The following SEC14L5 variants were observed in gnomAD, a reference collection of about 807,000 sequenced individuals.
The protein encoded by SEC14L5 is SEC14 like lipid binding 5, also known as SEC14-like protein 5.
A neutral mutation model predicts 84.6 loss-of-function variants in SEC14L5; 96 were observed. The observed-to-expected ratio is 1.13, with a 90% CI of 0.96 to 1.34. The LOEUF (loss-of-function observed/expected upper bound fraction) is 1.34. Among genes scored for constraint, SEC14L5 ranks in the 40% most tolerant of loss-of-function variants. The probability of loss-of-function intolerance (pLI) is 0.00; values close to 1 mark genes in which losing one functional copy is unlikely to be tolerated. For synonymous variants in SEC14L5, 546 were observed against 383.4 expected, an observed-to-expected ratio of 1.42 and a Z score of -4.95; for missense variants, 1,224 against 942.5, an observed-to-expected ratio of 1.30 and a Z score of -3.91.
rs1955503729 is a variant in SEC14L5 at position 4,987,542 on chromosome 16, C to T, written c.64-15C>T. The T allele has an allele frequency of 1.3e-6, 2 of 1,537,476 alleles. No homozygotes were observed. Among genetic ancestry groups the T allele is most frequent in the Non-Finnish European group, 1.8e-6 (2 of 1,141,762 alleles). ...CCCCCCCCACCACGGCCGCTCACTG[C>T]CGCTCTGCCCCCAGGCCTACGAGAA... On this transcript the variant is annotated splice_polypyrimidine_tract_variant and intron_variant, in intron 2 of 15. Coordinates refer to ENST00000251170, the MANE Select transcript of SEC14L5 (RefSeq NM_014692.2).
At chr16:5,001,021 C>T in intron 10 of SEC14L5, 96 bp downstream of exon 10, 2 of 956,764 alleles carry the variant, frequency 2.1e-6, no homozygotes, top group Non-Finnish European at 3.3e-6. Flanking sequence ...GGGCAGCGTG[C>T]CAGGGGCTTC....
chr16:4,995,624 C>CTTTTT (rs36027978), intron 6 of SEC14L5, among the ~76,000 whole-genome samples: 1 of 128,570 alleles, frequency 7.8e-6, no homozygotes, highest in African/African-American at 3.0e-5. Context: ...CTCTCTCTCT[C>CTTTTT]TTTTTTTTTT....
chr16:4,959,421 C>G (rs1955092294), intron 2 of SEC14L5, 35 bp downstream of exon 2: 2 of 1,583,200 alleles, frequency 1.3e-6, no homozygotes, highest in East Asian at 2.2e-5. Context: ...CCCCATGTGA[C>G]AGTTGGAGGG....
chr16:4,988,423 C>A, intron 4 of SEC14L5, 143 bp downstream of exon 4: 1 of 1,037,738 alleles, frequency 9.6e-7, no homozygotes, highest in Non-Finnish European at 1.4e-6. Context: ...ATGCAGGATG[C>A]TTGGTTGCCT....
chr16:4,980,166 G>C (rs1296555559), intron 2 of SEC14L5, among the ~76,000 whole-genome samples: 1 of 152,204 alleles, frequency 6.6e-6, no homozygotes, highest in Non-Finnish European at 1.5e-5. Flanking sequence ...GGCATTGTAA[G>C]GATGAAGCGA....
Position 5,015,266 on chromosome 16 carries a change from C to T in SEC14L5, c.*296C>T, listed in dbSNP as rs1037782670. ...CCTTTGGGACATCCGGGCTTAGCGA[C>T]GTCAGCCAGGCCCATCTCCTCTCTG... On this transcript the variant is annotated 3_prime_UTR_variant, in exon 16 of 16. Transcript: ENST00000251170. The T allele has an allele frequency of 2.5e-5, 9 of 355,276 alleles. No individual in the cohort carries two copies. Among genetic ancestry groups the T allele is most frequent in the Non-Finnish European group, 4.1e-5 (8 of 194,926 alleles). 22.0% of individuals were successfully genotyped at this position (355,276 alleles called of 1,614,324 possible).
chr16:5,001,330 TTCACTGCAA>T (rs1955675657), intron 10 of SEC14L5, among the ~76,000 whole-genome samples: 1 of 151,078 alleles, frequency 6.6e-6, no homozygotes, highest in African/African-American at 2.4e-5. Context: ...GCAATCTCAG[TTCACTGCAA>T]GCTCTGCCTT....
intron 11 of SEC14L5, among the ~76,000 whole-genome samples, chr16:5,004,262 G>A (rs150485232): frequency 1.5e-3 from 225 of 152,284 alleles, no homozygotes; most frequent in Admixed American, 2.5e-3. Context: ...AGCTTTTGTG[G>A]GTGCTTCAAG....
At chr16:4,976,829 A>G (rs1447082410) in intron 2 of SEC14L5, among the ~76,000 whole-genome samples, 1 of 152,212 alleles carries the variant, frequency 6.6e-6, no homozygotes, top group Non-Finnish European at 1.5e-5. Flanking sequence ...TCCTGAGAGC[A>G]CCAAACCATG....
In SEC14L5 at chr16:5,008,502, T is replaced by G; in HGVS notation, c.1654T>G (p.Tyr552Asp). 6.2e-7 allele frequency: 1 copy of G among 1,612,656 alleles called. No individual in the cohort carries two copies. The highest frequency in any genetic ancestry group is 8.5e-7 in the Non-Finnish European group (1 of 1,179,390). ...GCGAGGGGACGTGGTGTTCAGCCTG[T>G]ACCACACCAAGCAGGCGCCCAGGCT... The part of the protein sequence containing the change: ...ILRGDVVFSL[Y>D]HTKQAPRLGA... The change falls in exon 14 of 16, where the codon TAC becomes GAC. Residue 552 changes from tyrosine to aspartate, a missense_variant. Physicochemically the swap from Tyr to Asp is radical, Grantham distance 160 (BLOSUM62 -3). Coordinates refer to ENST00000251170, the MANE Select transcript of SEC14L5 (RefSeq NM_014692.2).
intron 2 of SEC14L5, among the ~76,000 whole-genome samples, chr16:4,973,871 A>C (rs1216546084): frequency 1.3e-5 from 2 of 151,736 alleles, no homozygotes; most frequent in Middle Eastern, 6.8e-3. Context: ...TTTAGTAGAG[A>C]TGGGGTTTCG....
At chr16:4,970,285 C>A (rs1955259195) in intron 2 of SEC14L5, among the ~76,000 whole-genome samples, 1 of 152,088 alleles carries the variant, frequency 6.6e-6, no homozygotes, top group African/African-American at 2.4e-5. Flanking sequence ...TTTGAGCCAG[C>A]CAGGCTGAGA....
At chr16:4,980,820 C>T (rs553737733) in intron 2 of SEC14L5, among the ~76,000 whole-genome samples, 1 of 152,280 alleles carries the variant, frequency 6.6e-6, no homozygotes, top group East Asian at 1.9e-4. Flanking sequence ...GAAGCCTGAG[C>T]GTCTCCTTGG....
At chr16:4,970,110 C>A (rs1027957898) in intron 2 of SEC14L5, among the ~76,000 whole-genome samples, 3 of 152,196 alleles carry the variant, frequency 2.0e-5, no homozygotes, top group Non-Finnish European at 4.4e-5. Context: ...CTGCACCTGG[C>A]CCATCTGGTT....
chr16:5,010,889 G>A, intron 14 of SEC14L5: 1 of 550,298 alleles, frequency 1.8e-6, no homozygotes, highest in East Asian at 2.8e-5. Flanking sequence ...TTAAGAGGGA[G>A]GCTCTGGTCC....
At chr16:4,974,364 C>A (rs1361843337) in intron 2 of SEC14L5, among the ~76,000 whole-genome samples, 3 of 151,712 alleles carry the variant, frequency 2.0e-5, no homozygotes, top group African/African-American at 7.3e-5. Context: ...ATCATGCCTG[C>A]CTAGTTTTTT....
chr16:4,994,155 A>C (rs1052783990), intron 6 of SEC14L5, among the ~76,000 whole-genome samples: 1 of 152,108 alleles, frequency 6.6e-6, no homozygotes, highest in Non-Finnish European at 1.5e-5. Flanking sequence ...AAATCCTAGG[A>C]TACAAATTGT....
At chr16:4,967,333 T>C (rs1955213189) in intron 2 of SEC14L5, among the ~76,000 whole-genome samples, 1 of 152,140 alleles carries the variant, frequency 6.6e-6, no homozygotes, top group African/African-American at 2.4e-5. Flanking sequence ...AGGACACCAG[T>C]CATATTGGAT....
intron 14 of SEC14L5, among the ~76,000 whole-genome samples, chr16:5,009,093 C>G (rs1955770383): frequency 6.6e-6 from 1 of 152,222 alleles, no homozygotes; most frequent in Non-Finnish European, 1.5e-5. Context: ...CACGCTCCCT[C>G]TGAAGGCTGT....
Sources: allele counts gnomAD v4.1 joint callset (sites outside exome capture counted in the v4.1 genomes callset), GRCh38; gene constraint gnomAD v4.1.1; transcripts MANE v1.5; gene names NCBI Gene and HGNC (gene_info 2026-07-23, HGNC 2026-07-21).